BTBD7: variants seen among roughly 807,000 people sequenced by gnomAD.
BTBD7 encodes the protein BTB domain containing 7.
A neutral mutation model predicts 99.9 loss-of-function variants in BTBD7; 38 were observed. The observed-to-expected ratio is 0.38, with a 90% CI of 0.29 to 0.50. The LOEUF (loss-of-function observed/expected upper bound fraction) is 0.50. Among genes scored for constraint, BTBD7 ranks in the 20% least tolerant of loss-of-function variants. The probability of loss-of-function intolerance (pLI) is 0.93; values close to 1 mark genes in which losing one functional copy is unlikely to be tolerated. For missense variants in BTBD7, 1,170 were observed against 1,394.6 expected (o/e 0.84, Z 2.57); for synonymous variants, 520 against 511.4 (o/e 1.02, Z -0.23).
chr14:93,286,102 T>C (rs2052774067), intron 3 of BTBD7, among the ~76,000 whole-genome samples: 1 of 152,100 alleles, frequency 6.6e-6, no homozygotes, highest in African/African-American at 2.4e-5. Context: ...CATGGCCTTC[T>C]CTCCTTTTCC....
At chr14:93,247,872 A>C (rs2052330267) in intron 9 of BTBD7, among the ~76,000 whole-genome samples, 1 of 152,244 alleles carries the variant, frequency 6.6e-6, no homozygotes, top group Admixed American at 6.5e-5. Flanking sequence ...GTTAAAAAAG[A>C]AAGCACTTAC....
chr14:93,281,306 G>A (rs1042330593), intron 3 of BTBD7, among the ~76,000 whole-genome samples: 1 of 150,752 alleles, frequency 6.6e-6, no homozygotes, highest in African/African-American at 2.4e-5. Flanking sequence ...CCTAATTTTT[G>A]TATTTTTTTT....
chr14:93,248,445 C>T, intron 9 of BTBD7, 31 bp downstream of exon 9: 2 of 1,602,816 alleles, frequency 1.2e-6, no homozygotes, highest in Non-Finnish European at 1.7e-6. Flanking sequence ...CTGAGGCTCC[C>T]TATTTTAAAC....
chr14:93,300,226 T>C (rs897762033), intron 1 of BTBD7, among the ~76,000 whole-genome samples: 4 of 151,526 alleles, frequency 2.6e-5, no homozygotes, highest in Non-Finnish European at 5.9e-5. Flanking sequence ...GTTTAGGAAA[T>C]ATGGATGGGG....
intron 3 of BTBD7, chr14:93,288,487 T>C: frequency 1.3e-6 from 1 of 743,130 alleles, no homozygotes; most frequent in Non-Finnish European, 2.5e-6. Flanking sequence ...AAAAGTTCTT[T>C]TATATAAGGA....
intron 6 of BTBD7, among the ~76,000 whole-genome samples, chr14:93,254,137 C>T (rs2052402988): frequency 6.6e-6 from 1 of 152,044 alleles, no homozygotes; most frequent in Non-Finnish European, 1.5e-5. Context: ...CGGGGTTTCA[C>T]CATGTTGGTC....
intron 1 of BTBD7, among the ~76,000 whole-genome samples, chr14:93,302,034 G>A (rs964402168): frequency 6.6e-6 from 1 of 152,312 alleles, no homozygotes; most frequent in East Asian, 1.9e-4. Flanking sequence ...AGAGTATGCA[G>A]GTTAGCAAGG....
chr14:93,288,431 T>C (rs1370979915), intron 3 of BTBD7: 1 of 669,506 alleles, frequency 1.5e-6, no homozygotes, highest in Non-Finnish European at 2.7e-6. Flanking sequence ...TAAAAGCTCC[T>C]GTTTTTACTT....
chr14:93,307,000 G>A (rs1371143678), intron 1 of BTBD7, among the ~76,000 whole-genome samples: 1 of 152,058 alleles, frequency 6.6e-6, no homozygotes, highest in Non-Finnish European at 1.5e-5. Flanking sequence ...ACATTTCAGA[G>A]GAAAAGGTTA....
Position 93,253,710 on chromosome 14 carries a change from C to T in BTBD7, c.1689G>A (p.Arg563=), listed in dbSNP as rs763635285. The T allele has an allele frequency of 5.0e-6, 8 of 1,613,186 alleles. No homozygotes were observed. The Admixed American group carries it at 1.3e-4, about 27-fold the overall frequency. The change falls in exon 7 of 11, where the codon CGG becomes CGA. Residue 563 remains arginine, a synonymous_variant. Coordinates refer to ENST00000334746, the MANE Select transcript of BTBD7 (RefSeq NM_001002860.4). ...TEGGKSNAWL[R]QKNAGIYVRP... Reference sequence around the variant, plus strand: ...GAACATAGATGCCAGCATTTTTTTGCCGTAACCAGGCATTTGACTTCCCAC... The same window carrying T: ...GAACATAGATGCCAGCATTTTTTTGTCGTAACCAGGCATTTGACTTCCCAC...
At chr14:93,249,356 G>A (rs140220259) in intron 8 of BTBD7, among the ~76,000 whole-genome samples, 26 of 151,760 alleles carry the variant, frequency 1.7e-4, no homozygotes, top group African/African-American at 5.8e-4. Context: ...GAAGTGGTTG[G>A]CATGGCCAGC....
intron 1 of BTBD7, among the ~76,000 whole-genome samples, chr14:93,308,118 C>A (rs991892984): frequency 6.6e-5 from 10 of 151,938 alleles, no homozygotes; most frequent in Non-Finnish European, 1.3e-4. Flanking sequence ...CACAGTGAAA[C>A]CCCGTCTCTA....
chr14:93,321,990 T>C (rs191290302), intron 1 of BTBD7, among the ~76,000 whole-genome samples: 89 of 152,238 alleles, frequency 5.8e-4, no homozygotes, highest in Middle Eastern at 3.4e-3. Flanking sequence ...ACTGGATTCC[T>C]GAAGGAAATA....
intron 1 of BTBD7, among the ~76,000 whole-genome samples, chr14:93,324,947 T>C (rs756737447): frequency 6.6e-6 from 1 of 152,000 alleles, no homozygotes; most frequent in Non-Finnish European, 1.5e-5. Flanking sequence ...AACAATGGGA[T>C]AAACACACAC....
chr14:93,288,663 T>C (rs752211510), intron 3 of BTBD7: 1 of 1,471,104 alleles, frequency 6.8e-7, no homozygotes, highest in African/African-American at 1.4e-5. Flanking sequence ...AAGCAGCTGT[T>C]TGAAAGCTCT....
At chr14:93,331,398 C>T (rs2053405085) in intron 1 of BTBD7, among the ~76,000 whole-genome samples, 1 of 152,198 alleles carries the variant, frequency 6.6e-6, no homozygotes, top group Admixed American at 6.5e-5. Flanking sequence ...GGCTCTAAAA[C>T]AATATTCACA....
intron 1 of BTBD7, among the ~76,000 whole-genome samples, chr14:93,330,426 T>C (rs58480440): frequency 0.079 from 11,969 of 152,226 alleles, 1,011 homozygotes; most frequent in African/African-American, 0.21. Flanking sequence ...TAAACTTTCA[T>C]AGGCCAGCTC....
At chr14:93,305,880 T>A (rs772068856) in intron 1 of BTBD7, among the ~76,000 whole-genome samples, 3 of 152,184 alleles carry the variant, frequency 2.0e-5, no homozygotes, top group African/African-American at 7.2e-5. Flanking sequence ...GGGCACCACA[T>A]AGCAAGAGGG....
chr14:93,286,793 T>A (rs993413438), intron 3 of BTBD7, among the ~76,000 whole-genome samples: 10 of 152,306 alleles, frequency 6.6e-5, no homozygotes, highest in South Asian at 2.1e-4. Context: ...TGGAGATAAG[T>A]AACAGCCCTC....
Sources: gnomAD v4.1 joint callset for allele counts (sites outside exome capture counted in the v4.1 genomes callset) on GRCh38, gnomAD v4.1.1 for gene constraint, MANE v1.5 for transcripts, NCBI Gene and HGNC (gene_info 2026-07-23, HGNC 2026-07-21) for gene names.